Variants in TAOK1 observed in about 807,000 individuals in gnomAD.
The protein encoded by TAOK1 is serine/threonine-protein kinase TAO1.
Under a neutral mutation model 138.3 loss-of-function variants are expected in TAOK1, and 21 were observed. The observed-to-expected ratio is 0.15, with a 90% confidence interval of 0.11 to 0.22. TAOK1 has a LOEUF of 0.22. Ranked by LOEUF, TAOK1 falls within the 10% of genes least tolerant of loss-of-function variation. TAOK1 has a pLI of 1.00. For missense variants in TAOK1, 651 were observed against 1,227.7 expected (o/e 0.53, Z 7.02); for synonymous variants, 361 against 398.4 (o/e 0.91, Z 1.12).
rs907050876 is a variant in TAOK1 at position 29,545,186 on chromosome 17, T to C, written c.*2164T>C. ...CATGACATGACATGTACTTGTAATA[T>C]CAGTGAAAGGGGCTTTTAGTCGTCT... On this transcript the variant is annotated 3_prime_UTR_variant, in exon 20 of 20. Coordinates refer to ENST00000261716, the MANE Select transcript of TAOK1 (RefSeq NM_020791.4). 6.6e-6 allele frequency: 1 copy of C among 152,170 alleles called. No homozygotes were observed. The highest frequency in any genetic ancestry group is 2.1e-4 in the South Asian group (1 of 4,834). The allele number at this position is 152,170 out of a possible 1,614,324, so 9.4% of individuals were successfully genotyped here.
chr17:29,515,271 C>G (rs1217652334), intron 15 of TAOK1, among the ~76,000 whole-genome samples: 1 of 151,952 alleles, frequency 6.6e-6, no homozygotes, highest in African/African-American at 2.4e-5. Context: ...ATAATTTTGC[C>G]AAAAACTTAG....
chr17:29,504,544 C>T (rs1490228051), intron 13 of TAOK1, among the ~76,000 whole-genome samples: 5 of 151,834 alleles, frequency 3.3e-5, no homozygotes, highest in South Asian at 2.1e-4. Flanking sequence ...ATGGCGGGCA[C>T]CTGTAATCCC....
chr17:29,394,832 G>A (rs1425679144), intron 1 of TAOK1, among the ~76,000 whole-genome samples: 1 of 152,210 alleles, frequency 6.6e-6, no homozygotes, highest in Admixed American at 6.5e-5. Flanking sequence ...AAGTGGCTCA[G>A]GCCTGTAATG....
Position 29,420,088 on chromosome 17 carries a change from A to G in TAOK1, c.-95+29064A>G, listed in dbSNP as rs1567713377. Among the ~76,000 whole-genome samples, 9 of 151,070 alleles carry G rather than the reference A, an allele frequency of 6.0e-5. 1 individual carries two copies. In the South Asian group the frequency reaches 1.7e-3, roughly 28 times the overall value. Reference sequence around the variant, plus strand: ...GAGATAGGGTCTCACTTTGTCACCCAGGCTGGGGTACAGTGGTGTGACCTC... The same window carrying G: ...GAGATAGGGTCTCACTTTGTCACCCGGGCTGGGGTACAGTGGTGTGACCTC... On this transcript the variant is annotated intron_variant, in intron 1 of 19. Transcript: ENST00000261716.
At chr17:29,423,732 A>C (rs1905535729) in intron 1 of TAOK1, among the ~76,000 whole-genome samples, 1 of 144,954 alleles carries the variant, frequency 6.9e-6, no homozygotes, top group Non-Finnish European at 1.5e-5. Context: ...ATACTGTCTG[A>C]ATTTAATTCT....
intron 17 of TAOK1, among the ~76,000 whole-genome samples, chr17:29,526,866 C>T (rs1476676103): frequency 9.3e-5 from 13 of 139,738 alleles, no homozygotes; most frequent in East Asian, 2.1e-4. Flanking sequence ...CAGTGGCTCA[C>T]GGCTGCAATC....
At position 29,498,451 on chromosome 17, in the gene TAOK1, A is replaced by C. The variant is rs2031454239; in HGVS notation, c.1133A>C (p.Lys378Thr). The C allele has an allele frequency of 6.2e-7, 1 of 1,614,218 alleles. No homozygotes were observed. The highest frequency in any genetic ancestry group is 2.2e-5 in the East Asian group (1 of 44,890). ...VNSLPDVSDD[K>T]SELDMMEGDH... The stretch of plus-strand genomic sequence containing the variant: ...AGTCTTCCAGATGTCTCAGATGACA[A>C]GAGTGAGCTAGACATGATGGAGGGA... Residue 378 changes from lysine (K) to threonine (T), a missense_variant, in exon 12 of 20, where the codon AAG (lysine) becomes ACG (threonine). Coordinates refer to ENST00000261716, the MANE Select transcript of TAOK1 (RefSeq NM_020791.4).
chr17:29,413,853 A>G (rs1477871247), intron 1 of TAOK1, among the ~76,000 whole-genome samples: 2 of 149,328 alleles, frequency 1.3e-5, no homozygotes, highest in South Asian at 2.1e-4. Flanking sequence ...AAGGAATCGT[A>G]CAATATTTGA....
intron 13 of TAOK1, among the ~76,000 whole-genome samples, chr17:29,506,301 G>T (rs1049580683): frequency 9.2e-5 from 14 of 152,140 alleles, no homozygotes; most frequent in African/African-American, 3.4e-4. Context: ...GAAAAATCCT[G>T]TCATTTGCAA....
At chr17:29,391,260 G>T (rs1423320409) in intron 1 of TAOK1, among the ~76,000 whole-genome samples, 1 of 152,162 alleles carries the variant, frequency 6.6e-6, no homozygotes, top group Non-Finnish European at 1.5e-5. Flanking sequence ...GGTGGTGGAA[G>T]GGGGATGTTT....
intron 1 of TAOK1, among the ~76,000 whole-genome samples, chr17:29,417,983 G>T (rs1905310349): frequency 6.6e-6 from 1 of 152,030 alleles, no homozygotes; most frequent in African/African-American, 2.4e-5. Flanking sequence ...GACTTCCCAG[G>T]CTCCAGTGAT....
chr17:29,518,799 C>T (rs961803413), intron 16 of TAOK1, among the ~76,000 whole-genome samples: 2 of 148,802 alleles, frequency 1.3e-5, no homozygotes, highest in Non-Finnish European at 1.5e-5. Flanking sequence ...AACAGAGTCT[C>T]GCTCTTTCAC....
rs2031550830 is a variant in TAOK1 at position 29,502,633 on chromosome 17, A to G, written c.1248A>G (p.Ala416=). The change falls in exon 13 of 20, where the codon GCA becomes GCG. Residue 416 remains alanine (A), a synonymous_variant. Coordinates refer to ENST00000261716, the MANE Select transcript of TAOK1 (RefSeq NM_020791.4). ...YREEGDPRTR[A]SDPQSPPQVS... ...AAGAGGGAGATCCTAGAACAAGAGC[A>G]TCAGATCCACAATCTCCACCCCAAG... is the stretch of plus-strand genomic sequence containing the variant. The G allele has an allele frequency of 2.5e-6, 4 of 1,613,914 alleles. No homozygotes were observed. The highest frequency in any genetic ancestry group is 3.4e-6 in the Non-Finnish European group (4 of 1,179,936).
intron 8 of TAOK1, among the ~76,000 whole-genome samples, chr17:29,487,940 G>A (rs1680456697): frequency 6.6e-6 from 1 of 152,122 alleles, no homozygotes; most frequent in Non-Finnish European, 1.5e-5. Flanking sequence ...ATCAGTAACA[G>A]AACTTCTCAA....
chr17:29,438,014 G>A (rs974822292), intron 1 of TAOK1, among the ~76,000 whole-genome samples: 1 of 152,134 alleles, frequency 6.6e-6, no homozygotes, highest in Non-Finnish European at 1.5e-5. Flanking sequence ...TTACAGGCGT[G>A]AGCCAGCGTG....
At chr17:29,519,979 G>A (rs1220247078) in intron 16 of TAOK1, among the ~76,000 whole-genome samples, 2 of 151,986 alleles carry the variant, frequency 1.3e-5, no homozygotes, top group East Asian at 3.9e-4. Context: ...AGAGTTCGAG[G>A]ACAGCCTGGT....
intron 11 of TAOK1, among the ~76,000 whole-genome samples, chr17:29,496,983 A>G (rs1314848077): frequency 6.6e-6 from 1 of 152,130 alleles, no homozygotes; most frequent in Non-Finnish European, 1.5e-5. Flanking sequence ...GTTCAAATTC[A>G]TACCTCTTTT....
intron 11 of TAOK1, 91 bp from the exon 12 acceptor site, chr17:29,498,227 C>A: frequency 7.6e-7 from 1 of 1,310,442 alleles, no homozygotes; most frequent in Non-Finnish European, 1.1e-6. Context: ...GACTGTCTGC[C>A]AAGTGGTATG....
chr17:29,519,476 G>C (rs555148497), intron 16 of TAOK1, among the ~76,000 whole-genome samples: 1 of 151,378 alleles, frequency 6.6e-6, no homozygotes. Context: ...CTGAGATCGC[G>C]CTGCTGCACT....
Sources: allele counts gnomAD v4.1 joint callset (sites outside exome capture counted in the v4.1 genomes callset), GRCh38; gene constraint gnomAD v4.1.1; transcripts MANE v1.5; gene names NCBI Gene and HGNC (gene_info 2026-07-23, HGNC 2026-07-21).